AGAP1: variants seen among roughly 807,000 people sequenced by gnomAD.
AGAP1 encodes the protein arf-GAP with GTPase, ANK repeat and PH domain-containing protein 1.
In AGAP1, 29 loss-of-function variants were observed where a neutral mutation model predicts 105.3. That is an observed-to-expected ratio of 0.28 (90% CI 0.21 to 0.38). The LOEUF is 0.38. AGAP1 is among the 10% of genes least tolerant of loss of function. The probability of loss-of-function intolerance (pLI) is 1.00; values close to 1 mark genes in which losing one functional copy is unlikely to be tolerated. For missense variants in AGAP1, 998 were observed against 1,165.1 expected (o/e 0.86, Z 2.09); for synonymous variants, 509 against 485.9 (o/e 1.05, Z -0.63).
At chr2:235,640,208 A>G (rs940082655) in intron 1 of AGAP1, among the ~76,000 whole-genome samples, 3 of 152,252 alleles carry the variant, frequency 2.0e-5, no homozygotes, top group African/African-American at 7.2e-5. Flanking sequence ...CAGTTGTTTC[A>G]GGCAAGCTTA....
chr2:235,497,627 C>T (rs535528860), intron 1 of AGAP1, among the ~76,000 whole-genome samples: 9 of 152,346 alleles, frequency 5.9e-5, no homozygotes, highest in South Asian at 2.1e-4. Flanking sequence ...GACGGAGTCT[C>T]GCTCTGTCGC....
At chr2:235,791,126 G>A (rs1428560044) in intron 6 of AGAP1, among the ~76,000 whole-genome samples, 2 of 152,196 alleles carry the variant, frequency 1.3e-5, no homozygotes, top group African/African-American at 4.8e-5. Flanking sequence ...ACAATATAGA[G>A]TACACCTTCT....
intron 9 of AGAP1, among the ~76,000 whole-genome samples, chr2:235,871,052 G>A (rs996258658): frequency 2.6e-5 from 4 of 152,112 alleles, no homozygotes; most frequent in African/African-American, 9.7e-5. Flanking sequence ...GGTCTGTGAG[G>A]CATTGCCTTA....
intron 6 of AGAP1, among the ~76,000 whole-genome samples, chr2:235,786,005 G>A (rs1009810407): frequency 6.6e-6 from 1 of 152,192 alleles, no homozygotes; most frequent in Non-Finnish European, 1.5e-5. Context: ...TGCCGGGTGA[G>A]CCTTCACCTT....
At chr2:235,727,603 T>C (rs1234150368) in intron 3 of AGAP1, among the ~76,000 whole-genome samples, 1 of 152,214 alleles carries the variant, frequency 6.6e-6, no homozygotes, top group East Asian at 1.9e-4. Flanking sequence ...TATACATTGT[T>C]TGGATCTTAA....
intron 13 of AGAP1, among the ~76,000 whole-genome samples, chr2:236,024,151 C>G (rs1320563578): frequency 1.3e-5 from 2 of 151,798 alleles, no homozygotes; most frequent in East Asian, 3.9e-4. Context: ...CTGCCTCAGC[C>G]TCCCAAGTAG....
intron 16 of AGAP1, among the ~76,000 whole-genome samples, chr2:236,072,006 A>G (rs1339660942): frequency 6.6e-6 from 1 of 152,158 alleles, no homozygotes; most frequent in African/African-American, 2.4e-5. Flanking sequence ...TCCCTGGCCC[A>G]TCTCTAGGAG....
Position 235,799,463 on chromosome 2 carries a change from A to C in AGAP1, c.898A>C (p.Thr300Pro), listed in dbSNP as rs575180547. The change falls in exon 8 of 18, where the codon ACT becomes CCT. Residue 300 changes from threonine to proline, a missense_variant. By Grantham distance (38) the Thr-to-Pro change is conservative. Around this residue, in one of 3 missense-constraint regions of AGAP1, gnomAD observed 735 missense variants for 833.4 expected, o/e 0.88. Coordinates refer to ENST00000304032, the MANE Select transcript of AGAP1 (RefSeq NM_001037131.3). The surrounding 1 kb of genome is among the most constrained non-coding windows in gnomAD (Gnocchi z 5.0). ...GGAACTTCGGATCGATGTTCCTCCC[A>C]CTGCCAACACGCCCACGCCCGTTCG... ...QKELRIDVPP[T>P]ANTPTPVRKQ... is the part of the protein sequence containing the mutation. 1 of 1,614,188 alleles carries C rather than the reference A, an allele frequency of 6.2e-7. No individual in the cohort carries two copies. Among genetic ancestry groups the C allele is most frequent in the Admixed American group, 1.7e-5 (1 of 60,028 alleles).
In AGAP1 at chr2:235,988,409, G is replaced by C. The variant is rs755326443; in HGVS notation, c.1645+19786G>C. Among the ~76,000 whole-genome samples, 3 of 152,054 alleles carry C rather than the reference G, an allele frequency of 2.0e-5. No individual in the cohort carries two copies. The highest frequency in any genetic ancestry group is 2.9e-5 in the Non-Finnish European group (2 of 68,022). On this transcript the variant is annotated intron_variant, in intron 13 of 17. Transcript: ENST00000304032. The surrounding 1 kb of genome is among the most constrained non-coding windows in gnomAD (Gnocchi z 4.7). ...CTGTCCCTGCTGCCATGAATCAGTC[G>C]CACCTGCTTCAGATACTACTCAGAA...
intron 1 of AGAP1, among the ~76,000 whole-genome samples, chr2:235,588,713 CTA>C (rs1945216380): frequency 6.6e-6 from 1 of 152,136 alleles, no homozygotes; most frequent in African/African-American, 2.4e-5. Flanking sequence ...CCTTTAAAAT[CTA>C]TCTTTGATTT....
intron 3 of AGAP1, among the ~76,000 whole-genome samples, chr2:235,738,009 G>A (rs186528299): frequency 8.5e-5 from 13 of 152,094 alleles, no homozygotes; most frequent in Admixed American, 2.6e-4. Flanking sequence ...GGCACTCAGC[G>A]TCCGGAGGGC....
At chr2:236,074,626 C>T (rs758179986) in intron 16 of AGAP1, among the ~76,000 whole-genome samples, 12 of 152,214 alleles carry the variant, frequency 7.9e-5, no homozygotes, top group East Asian at 3.9e-4. Context: ...AAAAATGTTA[C>T]GAAACATTTA....
rs377693216 is a variant in AGAP1, at chr2:235,571,492, T to G, written c.163+76643T>G. 7.2e-5 allele frequency among the ~76,000 whole-genome samples: 11 copies of G among 152,288 alleles called. No homozygotes were observed. The East Asian group carries it at 1.9e-3, about 27-fold the overall frequency. On this transcript the variant is annotated intron_variant, in intron 1 of 17. Coordinates refer to ENST00000304032, the MANE Select transcript of AGAP1 (RefSeq NM_001037131.3). ...TGGCTGCCTTATTGGACCACACAGA[T>G]AGTGAAAGGTTTCTGTCACGGCTGA... is the stretch of plus-strand genomic sequence containing the variant.
Position 236,076,987 on chromosome 2 carries a change from T to G in AGAP1, c.2114+27706T>G, listed in dbSNP as rs1225630486. Among the ~76,000 whole-genome samples the G allele has an allele frequency of 6.6e-6, 1 of 151,488 alleles. No individual in the cohort carries two copies. Among genetic ancestry groups the G allele is most frequent in the Non-Finnish European group, 1.5e-5 (1 of 67,876 alleles). On this transcript the variant is annotated intron_variant, in intron 16 of 17. Transcript: ENST00000304032. The surrounding 1 kb of genome is among the most constrained non-coding windows in gnomAD (Gnocchi z 4.4). ...AAAGCCAGGCATGGTGGTGCATGTC[T>G]GTGTCCCAGCTACTCCAGAGGCTGA...
chr2:235,632,886 A>G (rs1946874048), intron 1 of AGAP1, among the ~76,000 whole-genome samples: 1 of 152,120 alleles, frequency 6.6e-6, no homozygotes, highest in African/African-American at 2.4e-5. Context: ...GATTTACATA[A>G]TTGTTTTAGA....
chr2:235,590,692 CGTGTGTGTGT>C, intron 1 of AGAP1, among the ~76,000 whole-genome samples: 1 of 72,596 alleles, frequency 1.4e-5, no homozygotes, highest in South Asian at 5.9e-4. Context: ...TGTGCGTGTG[CGTGTGTGTGT>C]GTGTGTGTGT....
chr2:235,833,419 G>C (rs754092710), intron 9 of AGAP1, among the ~76,000 whole-genome samples: 7 of 152,136 alleles, frequency 4.6e-5, no homozygotes, highest in Non-Finnish European at 8.8e-5. Context: ...CAGTACTCCA[G>C]GATGAAAGTG....
At chr2:235,928,906 C>T (rs1020070747) in intron 11 of AGAP1, among the ~76,000 whole-genome samples, 3 of 152,220 alleles carry the variant, frequency 2.0e-5, no homozygotes, top group East Asian at 3.9e-4. Flanking sequence ...CCACCTCCCC[C>T]GGCTGCTGTG....
chr2:235,936,154 C>A lies in AGAP1; in HGVS notation c.1483+5231C>A, dbSNP rs1343307526. Among the ~76,000 whole-genome samples, 2 of 152,252 alleles carry A rather than the reference C, an allele frequency of 1.3e-5. No homozygotes were observed. The highest frequency in any genetic ancestry group is 2.9e-5 in the Non-Finnish European group (2 of 68,050). On this transcript the variant is annotated intron_variant, in intron 12 of 17. Coordinates refer to ENST00000304032, the MANE Select transcript of AGAP1 (RefSeq NM_001037131.3). The surrounding 1 kb of genome is among the most constrained non-coding windows in gnomAD (Gnocchi z 4.7). Reference sequence around the variant, plus strand: ...CTTCTGCCACGCTGACTGGCCATCACTGTTAATACTGCATTTCTTCACGTG... The same window carrying A: ...CTTCTGCCACGCTGACTGGCCATCAATGTTAATACTGCATTTCTTCACGTG...
Sources: allele counts gnomAD v4.1 joint callset (sites outside exome capture counted in the v4.1 genomes callset), GRCh38; gene constraint gnomAD v4.1.1; regional missense constraint gnomAD v4.1.1; non-coding constraint Gnocchi (gnomAD v3.1); transcripts MANE v1.5; gene names NCBI Gene and HGNC (gene_info 2026-07-23, HGNC 2026-07-21).